Variants in TRAF3IP3 observed in about 807,000 individuals in gnomAD.
The protein encoded by TRAF3IP3 is TRAF3 interacting protein 3, also known as TRAF3-interacting JNK-activating modulator.
In TRAF3IP3, 64 loss-of-function variants were observed where a neutral mutation model predicts 86.5. The ratio of observed to expected loss-of-function variants is 0.74; its 90% CI spans 0.60 to 0.91. The LOEUF (loss-of-function observed/expected upper bound fraction) is 0.91. Among genes scored for constraint, TRAF3IP3 ranks in the 40% least tolerant of loss-of-function variants. The pLI, the probability that TRAF3IP3 is intolerant of heterozygous loss-of-function variation, is 0.00. For synonymous variants in TRAF3IP3, 220 were observed against 243.9 expected (o/e 0.90, Z 0.91); for missense variants, 579 against 642.9 (o/e 0.90, Z 1.07).
chr1:209,770,888 G>A (rs1393083186), intron 8 of TRAF3IP3, among the ~76,000 whole-genome samples: 11 of 139,714 alleles, frequency 7.9e-5, no homozygotes, highest in African/African-American at 1.1e-4. Flanking sequence ...GGAGGTGTGC[G>A]TGTGCAGGTG....
Position 209,765,117 on chromosome 1 carries a change from G to A in TRAF3IP3, c.702+1530G>A, listed in dbSNP as rs575667089. Among the ~76,000 whole-genome samples, 4 of 151,478 alleles carry A rather than the reference G, an allele frequency of 2.6e-5. No individual in the cohort carries two copies. The South Asian group carries it at 8.4e-4, about 32-fold the overall frequency. ...TTGAGCCCAGGAAGTGGAGGTTGCA[G>A]TGAGCGATGATAGTGCCACTACACT... On this transcript the variant is annotated intron_variant, in intron 8 of 16. Transcript: ENST00000367025.
Position 209,771,366 on chromosome 1 carries a change from TGGAGGTGTGTGTGCAGG to T in TRAF3IP3, c.703-1581_703-1565del, listed in dbSNP as rs2077513170. Among the ~76,000 whole-genome samples the T allele has an allele frequency of 3.2e-5, 3 of 94,414 alleles. No homozygotes were observed. The East Asian group carries it at 7.7e-4, about 24-fold the overall frequency. The allele number at this position is 94,414 out of a possible 152,430, so 61.9% of individuals were successfully genotyped here. On this transcript the variant is annotated intron_variant, in intron 8 of 16. Transcript: ENST00000367025. ...GCATGTGGAGGTGTGCGTGTGCAGC[TGGAGGTGTGTGTGCAGG>T]TGGAAGTGTGCATGTGCATGTGAAG...
intron 8 of TRAF3IP3, among the ~76,000 whole-genome samples, chr1:209,768,881 G>A (rs1471535770): frequency 6.6e-6 from 1 of 152,186 alleles, no homozygotes; most frequent in Non-Finnish European, 1.5e-5. Context: ...CTTTTATGAC[G>A]TTTTGGGGAG....
At chr1:209,768,327 C>G (rs947504059) in intron 8 of TRAF3IP3, 1 of 985,438 alleles carries the variant, frequency 1.0e-6, no homozygotes, top group South Asian at 4.7e-5. Flanking sequence ...TTTTGGATAC[C>G]ATAGGCTCTG....
rs148679978 is a variant in TRAF3IP3, at chr1:209,768,404, A to G, written c.703-4544A>G. 1.8e-3 allele frequency: 1,759 copies of G among 985,506 alleles called. 3 individuals carry two copies. The highest frequency in any genetic ancestry group is 2.1e-3 in the Middle Eastern group (4 of 1,914). 61.0% of individuals were successfully genotyped at this position (985,506 alleles called of 1,614,324 possible). A position where few individuals can be genotyped will look rare whatever the true frequency, so the allele number is the denominator to read the frequency against. On this transcript the variant is annotated intron_variant, in intron 8 of 16. Transcript: ENST00000367025. ...CAGAAACAGCTCTACTAGCAGAGAA[A>G]GCAAGCTTTCAATATTGTGCAATAC...
At chr1:209,779,804 G>A (rs561322248) in intron 14 of TRAF3IP3, 3 of 395,068 alleles carry the variant, frequency 7.6e-6, no homozygotes, top group Admixed American at 4.3e-5. Flanking sequence ...TATACAGAGG[G>A]GCAATAGCTC....
chr1:209,779,591 G>A (rs2077734078), intron 14 of TRAF3IP3: 1 of 666,862 alleles, frequency 1.5e-6, no homozygotes, highest in Non-Finnish European at 2.8e-6. Flanking sequence ...GTGAAAAAGG[G>A]TTTCTATTCT....
At chr1:209,772,792 C>G (rs993575737) in intron 8 of TRAF3IP3, among the ~76,000 whole-genome samples, 156 bp from the exon 9 acceptor site, 4 of 152,180 alleles carry the variant, frequency 2.6e-5, no homozygotes, top group African/African-American at 9.7e-5. Flanking sequence ...CTCTTCTATC[C>G]AGCATCCTTT....
At chr1:209,781,984 A>C (rs554133271) in intron 16 of TRAF3IP3, 72 bp from the exon 17 acceptor site, 97 of 1,279,146 alleles carry the variant, frequency 7.6e-5, no homozygotes, top group Admixed American at 2.2e-4. Context: ...AGTAGGAAGA[A>C]GAAAGATTTT....
At chr1:209,772,872 G>A (rs1361544513) in intron 8 of TRAF3IP3, 76 bp from the exon 9 acceptor site, 1 of 1,294,618 alleles carries the variant, frequency 7.7e-7, no homozygotes, top group African/African-American at 1.5e-5. Flanking sequence ...CTGGGCAGTA[G>A]AATAGGAATA....
chr1:209,777,693 G>C, intron 12 of TRAF3IP3: 1 of 559,044 alleles, frequency 1.8e-6, no homozygotes, highest in South Asian at 2.8e-5. Context: ...GTAGTAGATA[G>C]AGTATCTTGT....
At chr1:209,767,655 A>C (rs2077382562) in intron 8 of TRAF3IP3, among the ~76,000 whole-genome samples, 1 of 151,882 alleles carries the variant, frequency 6.6e-6, no homozygotes, top group Non-Finnish European at 1.5e-5. Flanking sequence ...GCATGGGGTA[A>C]CAGAGCAAGA....
intron 13 of TRAF3IP3, chr1:209,779,084 C>G: frequency 3.5e-6 from 2 of 573,218 alleles, no homozygotes; most frequent in Non-Finnish European, 6.2e-6. Context: ...TGGGGCCCAC[C>G]TGAATGACCC....
intron 8 of TRAF3IP3, among the ~76,000 whole-genome samples, chr1:209,770,213 C>A (rs1206054890): frequency 2.1e-5 from 3 of 141,030 alleles, no homozygotes; most frequent in Non-Finnish European, 3.0e-5. Flanking sequence ...TCCCTTACAC[C>A]CCCTGCCGCC....
chr1:209,774,556 A>C (rs536571636), intron 9 of TRAF3IP3, among the ~76,000 whole-genome samples: 12 of 152,218 alleles, frequency 7.9e-5, no homozygotes, highest in Admixed American at 6.5e-4. Flanking sequence ...TAGGCAGAAG[A>C]AGCTACATGG....
At position 209,763,060 on chromosome 1, in the gene TRAF3IP3, C is replaced by T. The variant is rs761366247; in HGVS notation, c.552-8C>T. On this transcript the variant is annotated splice_region_variant and splice_polypyrimidine_tract_variant and intron_variant, in intron 5 of 16. Coordinates refer to ENST00000367025, the MANE Select transcript of TRAF3IP3 (RefSeq NM_025228.4). ...ATTATCATTATTTTTAATTTCTTCT[C>T]TTTCCAGTTACGGAGTTGCAGTTCT... The T allele has an allele frequency of 6.2e-7, 1 of 1,613,698 alleles. No homozygotes were observed. The highest frequency in any genetic ancestry group is 1.6e-4 in the Middle Eastern group (1 of 6,062).
At chr1:209,772,773 GAGA>G in intron 8 of TRAF3IP3, among the ~76,000 whole-genome samples, 172 bp from the exon 9 acceptor site, 1 of 152,306 alleles carries the variant, frequency 6.6e-6, no homozygotes, top group South Asian at 2.1e-4. Context: ...AGAGAAACAG[GAGA>G]AGATCCTCTT....
intron 11 of TRAF3IP3, 97 bp downstream of exon 11, chr1:209,775,833 G>A: frequency 8.2e-7 from 1 of 1,218,516 alleles, no homozygotes; most frequent in Non-Finnish European, 1.1e-6. Context: ...AAAGGCAGCT[G>A]ACAGCATCTG....
Position 209,762,797 on chromosome 1 carries a change from A to ATCC in TRAF3IP3, c.494-12_494-10dup. 1.3e-6 allele frequency: 2 copies of ATCC among 1,510,460 alleles called. No individual in the cohort carries two copies. The highest frequency in any genetic ancestry group is 1.8e-6 in the Non-Finnish European group (2 of 1,133,204). 93.6% of individuals were successfully genotyped at this position (1,510,460 alleles called of 1,614,324 possible). A position where few individuals can be genotyped will look rare whatever the true frequency, so the allele number is the denominator to read the frequency against. On this transcript the variant is annotated splice_polypyrimidine_tract_variant and intron_variant, in intron 4 of 16. Transcript: ENST00000367025. ...CTCCCTGTAAGTTCTAAATCAACTT[A>ATCC]TCCTCCATCTCTCAGGTACTCAGAC...
Sources: gnomAD v4.1 joint callset for allele counts (sites outside exome capture counted in the v4.1 genomes callset) on GRCh38, gnomAD v4.1.1 for gene constraint, MANE v1.5 for transcripts, NCBI Gene and HGNC (gene_info 2026-07-23, HGNC 2026-07-21) for gene names.